The following PML variants were observed in gnomAD, a reference collection of about 807,000 sequenced individuals.
PML encodes the protein protein PML.
A neutral mutation model predicts 65.2 loss-of-function variants in PML; 28 were observed. The ratio of observed to expected loss-of-function variants is 0.43; its 90% CI spans 0.32 to 0.59. The LOEUF (loss-of-function observed/expected upper bound fraction) is 0.59. Ranked by LOEUF, PML falls within the 20% of genes least tolerant of loss-of-function variation. The probability of loss-of-function intolerance (pLI) is 0.08; values close to 1 mark genes in which losing one functional copy is unlikely to be tolerated. For missense variants in PML, 1,021 were observed against 1,203.4 expected (o/e 0.85, Z 2.24); for synonymous variants, 500 against 508.8 (o/e 0.98, Z 0.23).
At chr15:74,026,570 A>G (rs2071087524) in intron 4 of PML, 1 of 152,236 alleles carries the variant, frequency 6.6e-6, no homozygotes, top group African/African-American at 2.4e-5. Context: ...ATACAATCAC[A>G]TAGTCAGAAA....
In PML at chr15:74,014,363, G is replaced by A. The variant is rs2165243; in HGVS notation, c.603-8465G>A. Reference sequence around the variant, plus strand: ...GGGGGTTTTTTTGAGATAGAGTCTCGCTCTGCCTCCCAGGCAGTAGCGCAG... The same window carrying A: ...GGGGGTTTTTTTGAGATAGAGTCTCACTCTGCCTCCCAGGCAGTAGCGCAG... On this transcript the variant is annotated intron_variant, in intron 2 of 8. Transcript: ENST00000268058. Among the ~76,000 whole-genome samples, 869 of 151,834 alleles carry A rather than the reference G, an allele frequency of 5.7e-3. 13 individuals carry two copies. The highest frequency in any genetic ancestry group is 0.02 in the African/African-American group (836 of 41,426).
chr15:74,003,100 C>T (rs1056785502), intron 2 of PML, among the ~76,000 whole-genome samples: 2 of 151,984 alleles, frequency 1.3e-5, no homozygotes, highest in South Asian at 2.1e-4. Context: ...CGCCACTGCA[C>T]TCCAGCCTGG....
chr15:74,046,396 C>A lies in PML; in HGVS notation c.*1388C>A, dbSNP rs920841209. Reference sequence around the variant, plus strand: ...TGCTCCTGGGATGCTTCCCAAGCAGCCCAGGCCTCTAGCCTCCATGGCTGA... The same window carrying A: ...TGCTCCTGGGATGCTTCCCAAGCAGACCAGGCCTCTAGCCTCCATGGCTGA... On this transcript the variant is annotated 3_prime_UTR_variant, in exon 9 of 9. Transcript: ENST00000268058. 3.0e-5 allele frequency: 7 copies of A among 232,900 alleles called. No homozygotes were observed. The highest frequency in any genetic ancestry group is 5.1e-5 in the Non-Finnish European group (6 of 117,944). The allele number at this position is 232,900 out of a possible 1,614,324, so 14.4% of individuals were successfully genotyped here.
chr15:73,998,487 C>A lies in PML; in HGVS notation c.602+11C>A. 2 of 1,607,378 alleles carry A rather than the reference C, an allele frequency of 1.2e-6. No individual in the cohort carries two copies. The highest frequency in any genetic ancestry group is 1.7e-6 in the Non-Finnish European group (2 of 1,174,714). On this transcript the variant is annotated intron_variant, in intron 2 of 8. Transcript: ENST00000268058. Reference sequence around the variant, plus strand: ...CCCTACGCTGACCAGGTGAGTAGGCCGGCACAGGGTGGGGTGGTGCATCCA... The same window carrying A: ...CCCTACGCTGACCAGGTGAGTAGGCAGGCACAGGGTGGGGTGGTGCATCCA...
At chr15:74,034,114 T>G in intron 6 of PML, 1 of 397,030 alleles carries the variant, frequency 2.5e-6, no homozygotes, top group East Asian at 5.5e-5. Flanking sequence ...ACTCTAGACA[T>G]CCCAGCTCAT....
chr15:74,006,998 C>T (rs142941683), intron 2 of PML, among the ~76,000 whole-genome samples: 1 of 152,192 alleles, frequency 6.6e-6, no homozygotes, highest in Admixed American at 6.5e-5. Context: ...CCCACTAGAC[C>T]CCACCTTCAA....
chr15:74,043,355 G>T lies in PML; in HGVS notation c.1861+216G>T. The T allele has an allele frequency of 6.9e-7, 1 of 1,443,348 alleles. No homozygotes were observed. Among genetic ancestry groups the T allele is most frequent in the Non-Finnish European group, 9.0e-7 (1 of 1,105,906 alleles). The allele number at this position is 1,443,348 out of a possible 1,614,324, so 89.4% of individuals were successfully genotyped here. On this transcript the variant is annotated intron_variant, in intron 8 of 8. Coordinates refer to ENST00000268058, the MANE Select transcript of PML (RefSeq NM_033238.3). The surrounding 1 kb of genome is among the most constrained non-coding windows in gnomAD (Gnocchi z 4.3). ...TCCGCCTTATCCAGTGCCTGAGTGT[G>T]CGAGAGAGGCAGATGCCTCCACAAG...
rs569988394 is a variant in PML at position 74,007,872 on chromosome 15, C to T, written c.602+9396C>T. 7.2e-5 allele frequency among the ~76,000 whole-genome samples: 11 copies of T among 152,278 alleles called. No individual in the cohort carries two copies. In the South Asian group the frequency reaches 1.2e-3, roughly 17 times the overall value. ...ACAGATCAGCCATTAACAATTGAGG[C>T]GGCAGGGTTCCGTGCAGAAGGCTGC... On this transcript the variant is annotated intron_variant, in intron 2 of 8. Transcript: ENST00000268058.
chr15:74,010,312 C>T (rs2070273819), intron 2 of PML, among the ~76,000 whole-genome samples: 2 of 147,366 alleles, frequency 1.4e-5, no homozygotes, highest in Non-Finnish European at 1.5e-5. Context: ...GGATTACAGG[C>T]GTGAACCACT....
intron 2 of PML, among the ~76,000 whole-genome samples, chr15:74,021,626 CT>C (rs1313949330): frequency 2.0e-5 from 3 of 151,746 alleles, no homozygotes; most frequent in Non-Finnish European, 4.4e-5. Context: ...AATACAAACA[CT>C]TTGATCTAGC....
intron 2 of PML, among the ~76,000 whole-genome samples, chr15:74,012,555 C>A (rs2070383239): frequency 6.6e-6 from 1 of 152,214 alleles, no homozygotes; most frequent in Non-Finnish European, 1.5e-5. Flanking sequence ...GGTAATCCAC[C>A]CACCTGGGCC....
chr15:74,010,110 C>T (rs1410178959), intron 2 of PML, among the ~76,000 whole-genome samples: 1 of 151,264 alleles, frequency 6.6e-6, no homozygotes, highest in Non-Finnish European at 1.5e-5. Flanking sequence ...ACCTCCCAGG[C>T]CCAAGTTATC....
chr15:74,037,116 C>CTGCT lies in PML; in HGVS notation c.1710+2587_1710+2590dup. 1.0e-6 allele frequency: 1 copy of CTGCT among 985,448 alleles called. No individual in the cohort carries two copies. The highest frequency in any genetic ancestry group is 1.2e-6 in the Non-Finnish European group (1 of 829,928). 61.0% of individuals were successfully genotyped at this position (985,448 alleles called of 1,614,324 possible). A position where few individuals can be genotyped will look rare whatever the true frequency, so the allele number is the denominator to read the frequency against. On this transcript the variant is annotated intron_variant, in intron 7 of 8. Coordinates refer to ENST00000268058, the MANE Select transcript of PML (RefSeq NM_033238.3). The surrounding 1 kb of genome is among the most constrained non-coding windows in gnomAD (Gnocchi z 4.2). ...GAAAACTATGAGTGGTTGCCTGTGA[C>CTGCT]TGCTAAGGGCTCCTTGGTGCTCCGC...
At chr15:74,016,915 G>T (rs1270320904) in intron 2 of PML, among the ~76,000 whole-genome samples, 1 of 148,116 alleles carries the variant, frequency 6.8e-6, no homozygotes, top group Non-Finnish European at 1.5e-5. Context: ...TCCTGCCTCA[G>T]CCTCCTGAGT....
rs1039420979 is a variant in PML, at chr15:74,042,934, C to T, written c.1711-55C>T. ...TATACCAGCTTGCTAGTGTTCTGCA[C>T]AGGTGCTTGCCTTGGCCCTCTGAAT... On this transcript the variant is annotated intron_variant, in intron 7 of 8. Coordinates refer to ENST00000268058, the MANE Select transcript of PML (RefSeq NM_033238.3). This position sits in a 1 kb window ranked among gnomAD's most constrained non-coding sequence, Gnocchi z 5.3. 6.2e-7 allele frequency: 1 copy of T among 1,612,018 alleles called. No homozygotes were observed. The highest frequency in any genetic ancestry group is 8.5e-7 in the Non-Finnish European group (1 of 1,179,978).
intron 7 of PML, among the ~76,000 whole-genome samples, chr15:74,038,847 G>A (rs866696409): frequency 6.6e-6 from 1 of 152,242 alleles, no homozygotes; most frequent in South Asian, 2.1e-4. Context: ...GTGTCCTAGG[G>A]ATTCAGTGAG....
intron 3 of PML, among the ~76,000 whole-genome samples, chr15:74,024,409 T>C (rs1315903531): frequency 1.3e-5 from 2 of 152,200 alleles, no homozygotes; most frequent in African/African-American, 4.8e-5. Context: ...TTGGGTGTTA[T>C]AACTGGGCAA....
chr15:74,032,080 C>T (rs1480831239), intron 4 of PML, among the ~76,000 whole-genome samples: 2 of 152,118 alleles, frequency 1.3e-5, no homozygotes, highest in African/African-American at 2.4e-5. Context: ...GAGCTGCTTT[C>T]GCCAGTAGTG....
intron 1 of PML, among the ~76,000 whole-genome samples, chr15:73,997,682 T>C (rs1290436045): frequency 6.6e-6 from 1 of 152,226 alleles, no homozygotes; most frequent in Non-Finnish European, 1.5e-5. Flanking sequence ...CATTAAGCAC[T>C]TTATATGAGG....
Sources: gnomAD v4.1 joint callset for allele counts (sites outside exome capture counted in the v4.1 genomes callset) on GRCh38, gnomAD v4.1.1 for gene constraint, Gnocchi (gnomAD v3.1) non-coding constraint, MANE v1.5 for transcripts, NCBI Gene and HGNC (gene_info 2026-07-23, HGNC 2026-07-21) for gene names.